The following SUMO2 variants were observed in gnomAD, a reference collection of about 807,000 sequenced individuals.
SUMO2 encodes the protein small ubiquitin like modifier 2.
In SUMO2, 1 loss-of-function variant was observed where a neutral mutation model predicts 16.0. The observed-to-expected ratio is 0.06, with a 90% confidence interval of 0.02 to 0.30. The LOEUF is 0.30. SUMO2 is among the 10% of genes least tolerant of loss of function. SUMO2 has a pLI of 1.00. For missense variants in SUMO2, 16 were observed against 117.5 expected (o/e 0.14, Z 3.99); for synonymous variants, 36 against 40.6 (o/e 0.89, Z 0.43).
At chr17:75,169,034 C>T (rs1598220473) in intron 3 of SUMO2, among the ~76,000 whole-genome samples, 1 of 119,362 alleles carries the variant, frequency 8.4e-6, no homozygotes, top group Admixed American at 1.0e-4. Context: ...ACCTGGGCAA[C>T]ATAGGGAGAC....
intron 2 of SUMO2, among the ~76,000 whole-genome samples, chr17:75,178,091 G>C (rs1206239993): frequency 6.6e-6 from 1 of 151,322 alleles, no homozygotes; most frequent in Admixed American, 6.6e-5. Flanking sequence ...CTGGGAGGCA[G>C]AGGATGCAGT....
intron 2 of SUMO2, among the ~76,000 whole-genome samples, 170 bp from the exon 3 acceptor site, chr17:75,174,993 CT>C (rs938376354): frequency 6.6e-6 from 1 of 151,808 alleles, no homozygotes; most frequent in Non-Finnish European, 1.5e-5. Context: ...TTTTCATTTT[CT>C]TTTTTTTGAG....
chr17:75,168,613 T>G (rs1323718083), intron 3 of SUMO2, among the ~76,000 whole-genome samples: 1 of 151,296 alleles, frequency 6.6e-6, no homozygotes, highest in African/African-American at 2.4e-5. Flanking sequence ...AAAACTTTTT[T>G]GTTTTTTTTT....
intron 3 of SUMO2, among the ~76,000 whole-genome samples, chr17:75,174,153 G>A (rs2074763685): frequency 6.6e-6 from 1 of 152,202 alleles, no homozygotes; most frequent in South Asian, 2.1e-4. Flanking sequence ...ACTTTGGGAG[G>A]CCAAGGCGGG....
In SUMO2 at chr17:75,177,912, C is replaced by T. The variant is rs189675084; in HGVS notation, c.154-3089G>A. 1.7e-3 allele frequency among the ~76,000 whole-genome samples: 235 copies of T among 138,008 alleles called. 1 individual carries two copies. The highest frequency in any genetic ancestry group is 6.0e-3 in the African/African-American group (232 of 38,380). The allele number at this position is 138,008 out of a possible 152,430, so 90.5% of individuals were successfully genotyped here. ...GCTGAGGCAGGAGAATTGCTTGAAC[C>T]CGGGAGGTGGAGGTTGCAGTGAGCC... On this transcript the variant is annotated intron_variant, in intron 2 of 3. Transcript: ENST00000420826.
chr17:75,178,135 G>A (rs1012429667), intron 2 of SUMO2, among the ~76,000 whole-genome samples: 1 of 151,760 alleles, frequency 6.6e-6, no homozygotes, highest in East Asian at 1.9e-4. Context: ...CTGCACTTCA[G>A]CATGGGCAAC....
In SUMO2 at chr17:75,169,133, G is replaced by A. The variant is rs897669296; in HGVS notation, c.226-732C>T. On this transcript the variant is annotated intron_variant, in intron 3 of 3. Transcript: ENST00000420826. ...CATACTCCCAGCTACTCAGGAAGCC[G>A]AGGTGGGAGGATCAATTGAGCCCAT... Among the ~76,000 whole-genome samples, 5 of 151,272 alleles carry A rather than the reference G, an allele frequency of 3.3e-5. 1 individual carries two copies. The highest frequency in any genetic ancestry group is 1.2e-4 in the African/African-American group (5 of 41,148).
chr17:75,178,923 C>G (rs935638452), intron 2 of SUMO2, among the ~76,000 whole-genome samples: 3 of 152,230 alleles, frequency 2.0e-5, no homozygotes, highest in South Asian at 2.1e-4. Context: ...CCACTGCACT[C>G]TAGCCTGGGC....
chr17:75,171,069 T>TTA (rs397772052), intron 3 of SUMO2, among the ~76,000 whole-genome samples: 3 of 141,572 alleles, frequency 2.1e-5, no homozygotes, highest in Non-Finnish European at 1.6e-5. Context: ...AAGGGGCAGT[T>TTA]AAAAAAAAAA....
intron 2 of SUMO2, among the ~76,000 whole-genome samples, chr17:75,175,621 G>A (rs1001678071): frequency 1.3e-5 from 2 of 150,174 alleles, no homozygotes; most frequent in Non-Finnish European, 3.0e-5. Flanking sequence ...TGCCCGGCCT[G>A]TTTGTTGTTG....
intron 3 of SUMO2, among the ~76,000 whole-genome samples, chr17:75,170,739 A>G (rs773584073): frequency 1.0e-3 from 150 of 150,534 alleles, no homozygotes; most frequent in Non-Finnish European, 1.8e-3. Context: ...AATCCCAGCC[A>G]CTCAGGAGGC....
rs79815344 is a variant in SUMO2, at chr17:75,177,968, G to A, written c.153+3089C>T. Among the ~76,000 whole-genome samples the A allele has an allele frequency of 9.4e-3, 1,020 of 108,992 alleles. 16 individuals carry two copies. Among genetic ancestry groups the A allele is most frequent in the African/African-American group, 0.033 (961 of 29,414 alleles). The allele number at this position is 108,992 out of a possible 152,430, so 71.5% of individuals were successfully genotyped here. Reference sequence around the variant, plus strand: ...TATGTCACTACACTCCAGTCTGACCGACAAAGCGAGACTCCGTCTCAAAAA... The same window carrying A: ...TATGTCACTACACTCCAGTCTGACCAACAAAGCGAGACTCCGTCTCAAAAA... On this transcript the variant is annotated intron_variant, in intron 2 of 3. Transcript: ENST00000420826.
intron 1 of SUMO2, among the ~76,000 whole-genome samples, chr17:75,182,119 G>C (rs2074833649): frequency 6.6e-6 from 1 of 152,102 alleles, no homozygotes; most frequent in African/African-American, 2.4e-5. Flanking sequence ...TCGTACCTGT[G>C]CCTCCAACTT....
chr17:75,182,589 C>A (rs2074838034), intron 1 of SUMO2: 2 of 313,152 alleles, frequency 6.4e-6, no homozygotes, highest in Non-Finnish European at 5.7e-6. Flanking sequence ...GGCGCGCACT[C>A]GGAGGCCGCC....
In SUMO2 at chr17:75,176,760, AAC is replaced by A. The variant is rs537123321; in HGVS notation, c.154-1939_154-1938del. Among the ~76,000 whole-genome samples the A allele has an allele frequency of 1.2e-4, 18 of 152,288 alleles. No homozygotes were observed. In the East Asian group the frequency reaches 2.7e-3, roughly 23 times the overall value. On this transcript the variant is annotated intron_variant, in intron 2 of 3. Transcript: ENST00000420826. The stretch of plus-strand genomic sequence containing the variant: ...GTAATTACTTACTGTCTTACTAAAA[AAC>A]ACACTTCAGGAGATATAGGAACCTA...
chr17:75,176,938 C>T (rs2145223116), intron 2 of SUMO2, among the ~76,000 whole-genome samples: 1 of 151,786 alleles, frequency 6.6e-6, no homozygotes, highest in East Asian at 2.0e-4. Context: ...AATCCTAGCA[C>T]CTTGGGAGAC....
chr17:75,174,548 G>T (rs903441823), intron 3 of SUMO2, among the ~76,000 whole-genome samples: 2 of 152,100 alleles, frequency 1.3e-5, no homozygotes, highest in Admixed American at 6.6e-5. Flanking sequence ...TAATTAAAAT[G>T]AAAATTAAAA....
chr17:75,171,970 AG>A (rs2074742462), intron 3 of SUMO2, among the ~76,000 whole-genome samples: 1 of 151,702 alleles, frequency 6.6e-6, no homozygotes, highest in Non-Finnish European at 1.5e-5. Context: ...ATTTATCAAT[AG>A]AATTTAGCTC....
chr17:75,165,978 A>C lies in SUMO2; in HGVS notation c.*2361T>G, dbSNP rs890247067. The C allele has an allele frequency of 2.6e-5, 4 of 152,076 alleles. No homozygotes were observed. The highest frequency in any genetic ancestry group is 9.7e-5 in the African/African-American group (4 of 41,304). 9.4% of individuals were successfully genotyped at this position (152,076 alleles called of 1,614,324 possible). On this transcript the variant is annotated 3_prime_UTR_variant, in exon 4 of 4. Coordinates refer to ENST00000420826, the MANE Select transcript of SUMO2 (RefSeq NM_006937.4). Reference sequence around the variant, plus strand: ...GAGGTGGAGCTTGCCGTGAGCCAAGATTGCGCCACTGCACTCCAGCCTGGG... The same window carrying C: ...GAGGTGGAGCTTGCCGTGAGCCAAGCTTGCGCCACTGCACTCCAGCCTGGG...
Sources: allele counts gnomAD v4.1 joint callset (sites outside exome capture counted in the v4.1 genomes callset), GRCh38; gene constraint gnomAD v4.1.1; transcripts MANE v1.5; gene names NCBI Gene and HGNC (gene_info 2026-07-23, HGNC 2026-07-21).